The following CSMD1 variants were observed in gnomAD, a reference collection of about 807,000 sequenced individuals.
CSMD1 encodes the protein CUB and Sushi multiple domains 1.
A neutral mutation model predicts 417.5 loss-of-function variants in CSMD1; 213 were observed. The observed-to-expected ratio is 0.51, with a 90% CI of 0.46 to 0.57. The LOEUF is 0.57. CSMD1 is among the 20% of genes least tolerant of loss of function. The pLI is 0.00. For synonymous variants in CSMD1, 2,862 were observed against 1,736.8 expected, an observed-to-expected ratio of 1.65 and a Z score of -16.11; for missense variants, 6,923 against 4,529.7, an observed-to-expected ratio of 1.53 and a Z score of -15.17.
At chr8:4,231,444 A>G (rs1317387343) in intron 3 of CSMD1, among the ~76,000 whole-genome samples, 4 of 152,238 alleles carry the variant, frequency 2.6e-5, no homozygotes, top group African/African-American at 7.2e-5. Flanking sequence ...ATAGGTGTAG[A>G]GATCAGACAT....
chr8:4,951,801 G>C (rs962580778), intron 1 of CSMD1, among the ~76,000 whole-genome samples: 2 of 151,560 alleles, frequency 1.3e-5, no homozygotes, highest in Admixed American at 6.6e-5. Context: ...AGATATTTCT[G>C]AGCCTTCTCC....
intron 52 of CSMD1, among the ~76,000 whole-genome samples, chr8:3,011,171 A>C (rs1010637113): frequency 6.6e-6 from 1 of 152,212 alleles, no homozygotes; most frequent in South Asian, 2.1e-4. Flanking sequence ...ATTAAATACT[A>C]TTCAGAAATA....
chr8:4,135,326 A>AGGAAGG (rs1401721784), intron 3 of CSMD1, among the ~76,000 whole-genome samples: 21 of 85,896 alleles, frequency 2.4e-4, no homozygotes, highest in Admixed American at 6.3e-4. Context: ...GGAGGAGCGA[A>AGGAAGG]GGAAGGGGAA....
At chr8:4,024,771 A>T (rs1022289899) in intron 4 of CSMD1, among the ~76,000 whole-genome samples, 1 of 152,158 alleles carries the variant, frequency 6.6e-6, no homozygotes, top group Admixed American at 6.6e-5. Context: ...GCATACATAA[A>T]CATACGTAGT....
At chr8:3,081,036 T>A (rs1429844916) in intron 49 of CSMD1, among the ~76,000 whole-genome samples, 1 of 152,218 alleles carries the variant, frequency 6.6e-6, no homozygotes, top group Non-Finnish European at 1.5e-5. Flanking sequence ...AGTGATGGAT[T>A]AGTGATTTTA....
At chr8:3,324,322 C>G (rs371626246) in intron 23 of CSMD1, among the ~76,000 whole-genome samples, 2 of 151,856 alleles carry the variant, frequency 1.3e-5, no homozygotes, top group African/African-American at 4.8e-5. Context: ...TTTCCTTCAC[C>G]CCACTAGTCG....
intron 12 of CSMD1, among the ~76,000 whole-genome samples, chr8:3,434,872 G>T (rs1050045018): frequency 6.6e-6 from 1 of 152,202 alleles, no homozygotes; most frequent in African/African-American, 2.4e-5. Flanking sequence ...ATTAAAAAAA[G>T]TTAATGCAGG....
chr8:4,980,510 T>A (rs1348148872), intron 1 of CSMD1, among the ~76,000 whole-genome samples: 1 of 152,180 alleles, frequency 6.6e-6, no homozygotes, highest in Non-Finnish European at 1.5e-5. Flanking sequence ...GGAGAATTCC[T>A]TAGACTGAGC....
At chr8:4,967,361 C>T (rs79400907) in intron 1 of CSMD1, among the ~76,000 whole-genome samples, 7 of 152,132 alleles carry the variant, frequency 4.6e-5, no homozygotes, top group Non-Finnish European at 1.5e-5. Flanking sequence ...AAGAAAAAAA[C>T]AATAATCACT....
intron 3 of CSMD1, among the ~76,000 whole-genome samples, chr8:4,168,463 G>C (rs1023328515): frequency 2.0e-5 from 3 of 151,644 alleles, no homozygotes; most frequent in Non-Finnish European, 4.4e-5. Flanking sequence ...CGTATTTTTA[G>C]AAAAGGGATG....
At chr8:3,120,371 C>T (rs182315200) in intron 41 of CSMD1, among the ~76,000 whole-genome samples, 10 of 152,288 alleles carry the variant, frequency 6.6e-5, no homozygotes, top group Admixed American at 3.3e-4. Flanking sequence ...AACCAGGCAA[C>T]GCAATATGTG....
intron 3 of CSMD1, among the ~76,000 whole-genome samples, chr8:4,095,631 A>G (rs1332255973): frequency 1.3e-5 from 2 of 152,228 alleles, no homozygotes; most frequent in Non-Finnish European, 2.9e-5. Context: ...TGCGTGTGTT[A>G]TAGAAGAGAA....
chr8:4,895,572 A>G (rs772447828), intron 1 of CSMD1, among the ~76,000 whole-genome samples: 2 of 152,128 alleles, frequency 1.3e-5, no homozygotes, highest in Non-Finnish European at 2.9e-5. Context: ...TTGCTGATTC[A>G]AAGGTATTGA....
At chr8:3,941,971 T>C (rs957579557) in intron 5 of CSMD1, among the ~76,000 whole-genome samples, 6 of 152,034 alleles carry the variant, frequency 3.9e-5, no homozygotes, top group African/African-American at 1.4e-4. Context: ...CCCCTCCCCA[T>C]TGCTGGCATT....
intron 3 of CSMD1, among the ~76,000 whole-genome samples, chr8:4,073,029 C>G (rs573797352): frequency 1.3e-5 from 2 of 152,260 alleles, no homozygotes; most frequent in Admixed American, 1.3e-4. Context: ...CCAATTATCA[C>G]CTATAAGTGT....
At chr8:4,717,309 C>CT (rs1563207805) in intron 1 of CSMD1, among the ~76,000 whole-genome samples, 5 of 92,752 alleles carry the variant, frequency 5.4e-5, no homozygotes, top group South Asian at 6.0e-4. Flanking sequence ...CTCTCTCTCT[C>CT]CATATATATA....
intron 1 of CSMD1, among the ~76,000 whole-genome samples, chr8:4,678,068 C>T (rs1292158767): frequency 6.6e-6 from 1 of 151,964 alleles, no homozygotes; most frequent in Non-Finnish European, 1.5e-5. Context: ...CACACACCCA[C>T]ATATGAATTA....
intron 3 of CSMD1, among the ~76,000 whole-genome samples, chr8:4,166,423 T>G (rs1335834141): frequency 5.9e-5 from 9 of 152,154 alleles, no homozygotes; most frequent in Admixed American, 5.9e-4. Flanking sequence ...CACACAATAA[T>G]AGCCATAACA....
At chr8:3,468,503 C>G (rs1816909909) in intron 12 of CSMD1, among the ~76,000 whole-genome samples, 1 of 152,150 alleles carries the variant, frequency 6.6e-6, no homozygotes, top group Non-Finnish European at 1.5e-5. Flanking sequence ...AATCAGAGCA[C>G]ATATCATGGC....
Sources: gnomAD v4.1 joint callset for allele counts (sites outside exome capture counted in the v4.1 genomes callset) on GRCh38, gnomAD v4.1.1 for gene constraint, MANE v1.5 for transcripts, NCBI Gene and HGNC (gene_info 2026-07-23, HGNC 2026-07-21) for gene names.